The following MORC1 variants were observed in gnomAD, a reference collection of about 807,000 sequenced individuals.
MORC1 encodes the protein MORC family CW-type zinc finger 1, also known as MORC family CW-type zinc finger protein 1.
MORC1 carries 59 observed loss-of-function variants against 134.9 expected under a neutral mutation model. That is an observed-to-expected ratio of 0.44 (90% CI 0.35 to 0.54). MORC1 has a LOEUF of 0.54. MORC1 is among the 20% of genes least tolerant of loss of function. The pLI is 0.00. For missense variants in MORC1, 947 were observed against 1,134.5 expected (o/e 0.83, Z 2.37); for synonymous variants, 395 against 391.7 (o/e 1.01, Z -0.10).
intron 17 of MORC1, among the ~76,000 whole-genome samples, chr3:109,010,776 CT>C (rs1355600512): frequency 6.6e-6 from 1 of 152,146 alleles, no homozygotes; most frequent in Non-Finnish European, 1.5e-5. Flanking sequence ...GTAATCTTGA[CT>C]TCTTTCACTT....
intron 16 of MORC1, among the ~76,000 whole-genome samples, chr3:109,031,366 A>T (rs1014439710): frequency 6.6e-6 from 1 of 152,172 alleles, no homozygotes; most frequent in Non-Finnish European, 1.5e-5. Flanking sequence ...AGTTAAAGGG[A>T]GGTTATGTAA....
intron 14 of MORC1, among the ~76,000 whole-genome samples, chr3:109,043,649 C>T (rs1053639240): frequency 6.6e-6 from 1 of 152,008 alleles, no homozygotes; most frequent in Non-Finnish European, 1.5e-5. Flanking sequence ...GCTGTTGTCA[C>T]GTATTTTTCC....
intron 9 of MORC1, among the ~76,000 whole-genome samples, chr3:109,068,620 G>A (rs1950250315): frequency 6.6e-6 from 1 of 152,090 alleles, no homozygotes; most frequent in Admixed American, 6.6e-5. Context: ...TGACTGATGG[G>A]CATTTGGGTT....
chr3:109,062,845 C>T lies in MORC1; in HGVS notation c.895+307G>A, dbSNP rs1950114294. ...CCTCAAGTAATTCTCCCATCTTGTCCTCCCAAAGTGCTTGAATTATAGGTG... is the reference window on the plus strand; with the variant it reads ...CCTCAAGTAATTCTCCCATCTTGTCTTCCCAAAGTGCTTGAATTATAGGTG... On this transcript the variant is annotated intron_variant, in intron 10 of 27. Coordinates refer to ENST00000232603, the MANE Select transcript of MORC1 (RefSeq NM_014429.4). 2.0e-5 allele frequency among the ~76,000 whole-genome samples: 3 copies of T among 152,250 alleles called. No homozygotes were observed. In the South Asian group the frequency reaches 6.2e-4, roughly 32 times the overall value.
Position 109,100,401 on chromosome 3 carries a change from G to GA in MORC1, c.314+15dup, listed in dbSNP as rs1446013785. 21 of 1,581,808 alleles carry GA rather than the reference G, an allele frequency of 1.3e-5. No individual in the cohort carries two copies. Among genetic ancestry groups the GA allele is most frequent in the South Asian group, 2.2e-5 (2 of 90,352 alleles). ...AGTATCAATAATATATGTCTTAAGG[G>GA]AAAAAAAATTCTCACCTTTTAAGAC... is the stretch of plus-strand genomic sequence containing the variant. On this transcript the variant is annotated intron_variant, in intron 5 of 27. Transcript: ENST00000232603.
intron 25 of MORC1, among the ~76,000 whole-genome samples, chr3:108,970,320 G>GT (rs1947343297): frequency 6.6e-6 from 1 of 152,144 alleles, no homozygotes; most frequent in Admixed American, 6.5e-5. Flanking sequence ...GCAGTGTGCA[G>GT]TCACAGGAGC....
intron 23 of MORC1, among the ~76,000 whole-genome samples, chr3:108,982,583 T>TGA (rs1553743067): frequency 7.9e-6 from 1 of 126,416 alleles, no homozygotes; most frequent in Non-Finnish European, 1.6e-5. Flanking sequence ...TGTCGTGGGA[T>TGA]GGGGGGGGCA....
intron 8 of MORC1, among the ~76,000 whole-genome samples, chr3:109,075,493 G>T (rs1037936255): frequency 6.6e-6 from 1 of 152,088 alleles, no homozygotes; most frequent in Non-Finnish European, 1.5e-5. Flanking sequence ...TAAGAAAGGG[G>T]TCCAGTTTCA....
At chr3:109,088,622 C>G (rs548736661) in intron 8 of MORC1, among the ~76,000 whole-genome samples, 6 of 152,152 alleles carry the variant, frequency 3.9e-5, no homozygotes, top group Admixed American at 1.3e-4. Context: ...TGGGAGTGTA[C>G]TAGTTCAACC....
chr3:109,001,243 C>T (rs2107522870), intron 20 of MORC1, among the ~76,000 whole-genome samples: 1 of 152,164 alleles, frequency 6.6e-6, no homozygotes, highest in Admixed American at 6.5e-5. Context: ...AGCAATTATC[C>T]TACCTCAGTC....
intron 9 of MORC1, among the ~76,000 whole-genome samples, chr3:109,064,145 G>T (rs1481936887): frequency 6.6e-6 from 1 of 152,070 alleles, no homozygotes; most frequent in African/African-American, 2.4e-5. Flanking sequence ...ATGCATGCGT[G>T]TGTACATATA....
chr3:109,001,270 T>C (rs1412800744), intron 20 of MORC1, among the ~76,000 whole-genome samples: 1 of 152,142 alleles, frequency 6.6e-6, no homozygotes, highest in Non-Finnish European at 1.5e-5. Flanking sequence ...ACAGCTGAGA[T>C]TACAGGTGCC....
At chr3:108,972,570 G>A (rs1947417272) in intron 24 of MORC1, among the ~76,000 whole-genome samples, 1 of 152,124 alleles carries the variant, frequency 6.6e-6, no homozygotes, top group Non-Finnish European at 1.5e-5. Flanking sequence ...GAAGATAAAT[G>A]GGGTAGGAAC....
At chr3:109,002,669 C>G (rs891519382) in intron 20 of MORC1, among the ~76,000 whole-genome samples, 2 of 152,166 alleles carry the variant, frequency 1.3e-5, no homozygotes, top group Non-Finnish European at 2.9e-5. Context: ...GGCTATACCC[C>G]TGAGACTGTC....
At chr3:109,037,626 T>A (rs557823139) in intron 14 of MORC1, among the ~76,000 whole-genome samples, 1 of 152,306 alleles carries the variant, frequency 6.6e-6, no homozygotes, top group Admixed American at 6.5e-5. Context: ...TGGTGTGTTA[T>A]GTTCCCCTCC....
intron 21 of MORC1, among the ~76,000 whole-genome samples, chr3:108,989,512 A>G (rs1947988204): frequency 6.6e-6 from 1 of 152,214 alleles, no homozygotes; most frequent in East Asian, 1.9e-4. Context: ...AGATAAATAA[A>G]TCATAAATAA....
chr3:109,023,099 G>C (rs920633317), intron 17 of MORC1, among the ~76,000 whole-genome samples: 1 of 152,148 alleles, frequency 6.6e-6, no homozygotes, highest in Non-Finnish European at 1.5e-5. Flanking sequence ...TGAAATGAAG[G>C]AGATACTTTT....
chr3:109,022,582 G>A (rs769876007), intron 17 of MORC1, among the ~76,000 whole-genome samples: 2 of 152,168 alleles, frequency 1.3e-5, no homozygotes, highest in Non-Finnish European at 2.9e-5. Flanking sequence ...TGAACATGAC[G>A]AATGAAATCC....
intron 27 of MORC1, among the ~76,000 whole-genome samples, chr3:108,959,711 C>T (rs745692175): frequency 3.3e-5 from 5 of 152,068 alleles, no homozygotes; most frequent in Non-Finnish European, 7.4e-5. Context: ...ATGGAAAATG[C>T]ATATTATGAA....
Sources: allele counts gnomAD v4.1 joint callset (sites outside exome capture counted in the v4.1 genomes callset), GRCh38; gene constraint gnomAD v4.1.1; transcripts MANE v1.5; gene names NCBI Gene and HGNC (gene_info 2026-07-23, HGNC 2026-07-21).